SLC35F4: variants seen among roughly 807,000 people sequenced by gnomAD.
SLC35F4 encodes solute carrier family 35 member F4.
SLC35F4 carries 24 observed loss-of-function variants against 44.2 expected under a neutral mutation model. The observed-to-expected ratio is 0.54, with a 90% CI of 0.39 to 0.76. SLC35F4 has a LOEUF of 0.76. SLC35F4 is among the 30% of genes least tolerant of loss of function. The pLI is 0.00. For synonymous variants in SLC35F4, 238 were observed against 223.6 expected (o/e 1.06, Z -0.57); for missense variants, 562 against 586.1 (o/e 0.96, Z 0.42).
At chr14:57,714,516 T>C (rs2075890325) in intron 1 of SLC35F4, among the ~76,000 whole-genome samples, 1 of 152,194 alleles carries the variant, frequency 6.6e-6, no homozygotes, top group Admixed American at 6.5e-5. Context: ...CTGTTTAGTT[T>C]AATTAAACAA....
chr14:57,836,154 G>A (rs527965894), intron 1 of SLC35F4, among the ~76,000 whole-genome samples: 1 of 152,288 alleles, frequency 6.6e-6, no homozygotes, highest in African/African-American at 2.4e-5. Flanking sequence ...GTGTTTTGCA[G>A]ACTTCAGTAG....
intron 1 of SLC35F4, among the ~76,000 whole-genome samples, chr14:57,621,156 T>G (rs926988860): frequency 6.6e-6 from 1 of 151,612 alleles, no homozygotes; most frequent in Non-Finnish European, 1.5e-5. Context: ...CACTGCTCAA[T>G]GAAACAAAAG....
At chr14:57,913,200 C>G (rs1027246007) in intron 1 of SLC35F4, among the ~76,000 whole-genome samples, 5 of 151,638 alleles carry the variant, frequency 3.3e-5, no homozygotes, top group Admixed American at 6.6e-5. Context: ...AAAGATGGGT[C>G]TTTTTTTTAA....
chr14:57,725,772 A>G (rs2347351), intron 1 of SLC35F4, among the ~76,000 whole-genome samples: 60,396 of 151,968 alleles, frequency 0.4, 12,045 homozygotes, highest in Middle Eastern at 0.44. Flanking sequence ...GGCCATGTAT[A>G]CTCTGAATCA....
chr14:57,943,414 C>T (rs1417614029), intron 1 of SLC35F4, among the ~76,000 whole-genome samples: 1 of 152,214 alleles, frequency 6.6e-6, no homozygotes, highest in African/African-American at 2.4e-5. Context: ...TTCTCCCATG[C>T]ACAAATGTCT....
At chr14:57,789,377 A>G (rs1324528423) in intron 1 of SLC35F4, among the ~76,000 whole-genome samples, 1 of 152,220 alleles carries the variant, frequency 6.6e-6, no homozygotes, top group East Asian at 1.9e-4. Flanking sequence ...CTTCTATGCA[A>G]ATAAACTAGA....
chr14:57,576,219 A>AT (rs2068782708), intron 4 of SLC35F4, among the ~76,000 whole-genome samples: 1 of 152,146 alleles, frequency 6.6e-6, no homozygotes. Flanking sequence ...TTCCTTTAAG[A>AT]TTTTAAAGGT....
chr14:57,589,583 C>T lies in SLC35F4; in HGVS notation c.290-70G>A, dbSNP rs543583567. ...AAACAGCAATCAAATATATCAGCTC[C>T]TTAAAAAAGATGGATGAAACCAAAG... is the stretch of plus-strand genomic sequence containing the variant. On this transcript the variant is annotated intron_variant, in intron 2 of 7. Transcript: ENST00000556826. 1.3e-4 allele frequency: 189 copies of T among 1,426,446 alleles called. 1 individual carries two copies. In the East Asian group the frequency reaches 4.3e-3, roughly 32 times the overall value. The allele number at this position is 1,426,446 out of a possible 1,614,324, so 88.4% of individuals were successfully genotyped here. A position where few individuals can be genotyped will look rare whatever the true frequency, so the allele number is the denominator to read the frequency against.
rs1203256882 is a variant in SLC35F4, at chr14:57,865,854, C to T, written c.-29G>A. On this transcript the variant is annotated 5_prime_UTR_variant, in exon 1 of 8. Coordinates refer to ENST00000556826, the MANE Select transcript of SLC35F4 (RefSeq NM_001306087.2). ...GAGCGCGGGGCGACGGCCCCGAGTG[C>T]GGCGGGGCGGAGAGCGCAGCGCGGG... The T allele has an allele frequency of 2.1e-5, 30 of 1,459,288 alleles. No individual in the cohort carries two copies. The highest frequency in any genetic ancestry group is 2.7e-5 in the Non-Finnish European group (30 of 1,098,072). The allele number at this position is 1,459,288 out of a possible 1,614,324, so 90.4% of individuals were successfully genotyped here. A position where few individuals can be genotyped will look rare whatever the true frequency, so the allele number is the denominator to read the frequency against.
chr14:57,967,077 T>C (rs1880894023), intron 1 of SLC35F4, among the ~76,000 whole-genome samples: 1 of 152,058 alleles, frequency 6.6e-6, no homozygotes, highest in Admixed American at 6.6e-5. Flanking sequence ...TTACTCAGAA[T>C]AAAAAAGAAC....
chr14:57,915,402 A>G (rs1039943224), intron 1 of SLC35F4, among the ~76,000 whole-genome samples: 2 of 152,058 alleles, frequency 1.3e-5, no homozygotes, highest in African/African-American at 4.8e-5. Flanking sequence ...TTCCCTCCTA[A>G]GCATACTCTT....
At chr14:57,611,543 C>T (rs2071500456) in intron 1 of SLC35F4, among the ~76,000 whole-genome samples, 1 of 142,168 alleles carries the variant, frequency 7.0e-6, no homozygotes, top group Non-Finnish European at 1.5e-5. Flanking sequence ...TTGTCAAAGG[C>T]AAAAGCAGAG....
chr14:57,707,293 T>A (rs1594845502), intron 1 of SLC35F4, among the ~76,000 whole-genome samples: 1 of 152,260 alleles, frequency 6.6e-6, no homozygotes, highest in South Asian at 2.1e-4. Flanking sequence ...TGAATTGCAG[T>A]TCCCATAATC....
intron 1 of SLC35F4, chr14:57,629,843 G>C (rs960867323): frequency 9.0e-6 from 3 of 333,408 alleles, no homozygotes; most frequent in Non-Finnish European, 1.8e-5. Flanking sequence ...ATCGGCAGCC[G>C]GAGATGCAGA....
At chr14:57,570,895 G>C (rs1004633004) in intron 5 of SLC35F4, among the ~76,000 whole-genome samples, 20 of 152,044 alleles carry the variant, frequency 1.3e-4, no homozygotes, top group African/African-American at 4.8e-4. Flanking sequence ...GCACGTGGTA[G>C]TCTTTGGTCA....
chr14:57,689,581 T>C (rs2075167118), intron 1 of SLC35F4, among the ~76,000 whole-genome samples: 1 of 152,058 alleles, frequency 6.6e-6, no homozygotes, highest in East Asian at 1.9e-4. Flanking sequence ...GAATATATCA[T>C]TCCTTTGCTT....
chr14:57,884,493 T>C (rs1298716379), intron 1 of SLC35F4, among the ~76,000 whole-genome samples: 1 of 152,200 alleles, frequency 6.6e-6, no homozygotes, highest in Non-Finnish European at 1.5e-5. Context: ...GAGACACTGA[T>C]ACAAATCCAT....
At chr14:57,731,785 T>C (rs2076350438) in intron 1 of SLC35F4, among the ~76,000 whole-genome samples, 1 of 152,222 alleles carries the variant, frequency 6.6e-6, no homozygotes, top group African/African-American at 2.4e-5. Flanking sequence ...AACAGTGAGA[T>C]TATAACTTAT....
intron 1 of SLC35F4, among the ~76,000 whole-genome samples, chr14:57,873,474 C>A (rs1306001930): frequency 3.3e-5 from 5 of 152,094 alleles, no homozygotes; most frequent in Non-Finnish European, 5.9e-5. Context: ...GTAGAATACA[C>A]TTTAGATATT....
Sources: allele counts gnomAD v4.1 joint callset (sites outside exome capture counted in the v4.1 genomes callset), GRCh38; gene constraint gnomAD v4.1.1; transcripts MANE v1.5; gene names NCBI Gene and HGNC (gene_info 2026-07-23, HGNC 2026-07-21).